The following FOCAD variants were observed in gnomAD, a reference collection of about 807,000 sequenced individuals.
The protein encoded by FOCAD is KIAA1797.
Under a neutral mutation model 225.6 loss-of-function variants are expected in FOCAD, and 198 were observed. The observed-to-expected ratio is 0.88, with a 90% CI of 0.78 to 0.99. The LOEUF (loss-of-function observed/expected upper bound fraction) is 0.99, where lower values mean the gene tolerates loss of function less well. FOCAD is among the 50% of genes least tolerant of loss of function. The probability of loss-of-function intolerance (pLI) is 0.00; values close to 1 mark genes in which losing one functional copy is unlikely to be tolerated. For synonymous variants in FOCAD, 897 were observed against 755.0 expected (o/e 1.19, Z -3.08); for missense variants, 2,713 against 2,123.6 (o/e 1.28, Z -5.46).
chr9:20,834,382 G>C (rs1453971201), intron 15 of FOCAD, among the ~76,000 whole-genome samples: 1 of 152,028 alleles, frequency 6.6e-6, no homozygotes, highest in Admixed American at 6.6e-5. Flanking sequence ...GATCTGTGGA[G>C]CAAGCATCGC....
chr9:20,962,807 G>C (rs962018682), intron 35 of FOCAD, among the ~76,000 whole-genome samples: 24 of 152,134 alleles, frequency 1.6e-4, no homozygotes, highest in African/African-American at 4.8e-4. Flanking sequence ...GTACTGTTAG[G>C]CCTTCTCAGT....
At chr9:20,955,579 G>T in intron 35 of FOCAD, among the ~76,000 whole-genome samples, 1 of 149,018 alleles carries the variant, frequency 6.7e-6, no homozygotes, top group East Asian at 2.0e-4. Flanking sequence ...TCATAGCCCT[G>T]GAATTCCTCT....
At chr9:20,990,910 C>G (rs1472682502) in intron 42 of FOCAD, among the ~76,000 whole-genome samples, 3 of 152,158 alleles carry the variant, frequency 2.0e-5, no homozygotes, top group Non-Finnish European at 4.4e-5. Context: ...GCTCCAGGCA[C>G]CCAGTGTGCC....
intron 2 of FOCAD, among the ~76,000 whole-genome samples, chr9:20,670,416 T>C (rs1463421711): frequency 2.0e-5 from 3 of 152,178 alleles, no homozygotes; most frequent in African/African-American, 7.2e-5. Context: ...ATTGATACAG[T>C]TCTGCATGGC....
intron 20 of FOCAD, among the ~76,000 whole-genome samples, 156 bp downstream of exon 20, chr9:20,882,212 G>C (rs1163708993): frequency 6.6e-6 from 1 of 152,198 alleles, no homozygotes; most frequent in Non-Finnish European, 1.5e-5. Context: ...AGACATCGCA[G>C]AACTGTAGAA....
At chr9:20,667,953 C>T (rs1253136396) in intron 2 of FOCAD, among the ~76,000 whole-genome samples, 2 of 151,886 alleles carry the variant, frequency 1.3e-5, no homozygotes, top group African/African-American at 2.4e-5. Flanking sequence ...TTATAGATGC[C>T]ACTAGAAAAG....
intron 13 of FOCAD, 52 bp from the exon 14 acceptor site, chr9:20,820,889 A>C: frequency 6.3e-7 from 1 of 1,591,966 alleles, no homozygotes; most frequent in Non-Finnish European, 8.6e-7. Flanking sequence ...GAAGATAATG[A>C]TTATTCAACT....
At chr9:20,921,079 T>G (rs963601258) in intron 24 of FOCAD, among the ~76,000 whole-genome samples, 27 of 151,748 alleles carry the variant, frequency 1.8e-4, no homozygotes, top group African/African-American at 6.5e-4. Flanking sequence ...AAAAGAACAT[T>G]TAAAGCTTCA....
chr9:20,940,318 C>G (rs1836519805), intron 28 of FOCAD, among the ~76,000 whole-genome samples: 2 of 143,454 alleles, frequency 1.4e-5, no homozygotes, highest in Admixed American at 7.2e-5. Flanking sequence ...GGATATCACT[C>G]TGTTGCTCAG....
intron 10 of FOCAD, among the ~76,000 whole-genome samples, chr9:20,784,944 T>A (rs556507567): frequency 6.6e-6 from 1 of 152,112 alleles, no homozygotes; most frequent in South Asian, 2.1e-4. Flanking sequence ...TTTTTTTTAA[T>A]CTATTTCCAG....
intron 8 of FOCAD, among the ~76,000 whole-genome samples, chr9:20,771,691 G>T (rs1818247073): frequency 1.3e-5 from 2 of 152,184 alleles, no homozygotes; most frequent in Admixed American, 6.5e-5. Flanking sequence ...GGAGGCAGAG[G>T]TTGCAGTGAG....
At chr9:20,881,651 A>G (rs895721678) in intron 19 of FOCAD, among the ~76,000 whole-genome samples, 3 of 152,258 alleles carry the variant, frequency 2.0e-5, no homozygotes, top group Non-Finnish European at 1.5e-5. Context: ...ATTACATGTA[A>G]TAAGTGAGGG....
upstream of FOCAD, among the ~76,000 whole-genome samples, chr9:20,683,724 T>C (rs1822483837): frequency 1.3e-5 from 2 of 152,070 alleles, no homozygotes; most frequent in Non-Finnish European, 2.9e-5. Flanking sequence ...TGCAGTGTTA[T>C]GTGTTGGCCA....
At chr9:20,843,020 T>C (rs543581901) in intron 15 of FOCAD, among the ~76,000 whole-genome samples, 2 of 152,120 alleles carry the variant, frequency 1.3e-5, no homozygotes, top group African/African-American at 2.4e-5. Flanking sequence ...TCATCCTTTA[T>C]GCTTTTTATC....
chr9:20,820,517 G>A, intron 13 of FOCAD, 92 bp downstream of exon 13: 1 of 1,142,012 alleles, frequency 8.8e-7, no homozygotes, highest in Non-Finnish European at 1.3e-6. Context: ...CTTTGGTTTA[G>A]TGGTATTAAT....
At chr9:20,765,157 A>C (rs1829951419) in intron 7 of FOCAD, 84 bp downstream of exon 7, 1 of 1,264,560 alleles carries the variant, frequency 7.9e-7, no homozygotes, top group Non-Finnish European at 1.1e-6. Context: ...TCTAGAACAT[A>C]AGTGATTTGG....
intron 15 of FOCAD, among the ~76,000 whole-genome samples, chr9:20,834,570 CT>C (rs1280178495): frequency 6.6e-6 from 1 of 152,070 alleles, no homozygotes; most frequent in Non-Finnish European, 1.5e-5. Context: ...ACCACTGCTA[CT>C]TGCAACAACA....
At chr9:20,773,879 G>T (rs908876073) in intron 8 of FOCAD, among the ~76,000 whole-genome samples, 1 of 152,012 alleles carries the variant, frequency 6.6e-6, no homozygotes, top group Non-Finnish European at 1.5e-5. Context: ...TAATACAGTG[G>T]TCCCCAATGC....
chr9:20,919,655 C>T (rs1015990627), intron 24 of FOCAD, among the ~76,000 whole-genome samples: 2 of 152,274 alleles, frequency 1.3e-5, no homozygotes, highest in East Asian at 1.9e-4. Flanking sequence ...AGAAATAACA[C>T]CGCATATCTA....
Sources: gnomAD v4.1 joint callset for allele counts (sites outside exome capture counted in the v4.1 genomes callset) on GRCh38, gnomAD v4.1.1 for gene constraint, MANE v1.5 for transcripts, NCBI Gene and HGNC (gene_info 2026-07-23, HGNC 2026-07-21) for gene names.